SPON1: variants seen among roughly 807,000 people sequenced by gnomAD.
The protein encoded by SPON1 is spondin-1.
Under a neutral mutation model 111.7 loss-of-function variants are expected in SPON1, and 52 were observed. The ratio of observed to expected loss-of-function variants is 0.47; its 90% confidence interval spans 0.37 to 0.59. The LOEUF (loss-of-function observed/expected upper bound fraction) is 0.59, where lower values mean the gene tolerates loss of function less well. Ranked by LOEUF, SPON1 falls within the 20% of genes least tolerant of loss-of-function variation. The probability of loss-of-function intolerance (pLI) is 0.00; values close to 1 mark genes in which losing one functional copy is unlikely to be tolerated. For synonymous variants in SPON1, 410 were observed against 395.8 expected (o/e 1.04, Z -0.43); for missense variants, 957 against 1,068.5 (o/e 0.90, Z 1.46).
At chr11:14,175,265 A>T (rs2133884364) in intron 6 of SPON1, among the ~76,000 whole-genome samples, 2 of 152,348 alleles carry the variant, frequency 1.3e-5, no homozygotes, top group Admixed American at 1.3e-4. Flanking sequence ...AAAAATTTTT[A>T]GGACTAACTA....
chr11:14,042,216 G>C (rs1169897235), intron 3 of SPON1, among the ~76,000 whole-genome samples: 1 of 152,160 alleles, frequency 6.6e-6, no homozygotes, highest in Non-Finnish European at 1.5e-5. Flanking sequence ...CTGGAAGGTA[G>C]CATTATCTCA....
At chr11:14,001,442 CTACT>C (rs1195750390) in intron 2 of SPON1, among the ~76,000 whole-genome samples, 18 of 152,306 alleles carry the variant, frequency 1.2e-4, no homozygotes, top group African/African-American at 4.1e-4. Context: ...CTCAAGGAAA[CTACT>C]TTACCAGAGT....
chr11:14,156,722 G>C (rs540388125), intron 6 of SPON1, among the ~76,000 whole-genome samples: 123 of 152,148 alleles, frequency 8.1e-4, no homozygotes, highest in African/African-American at 2.4e-3. Context: ...TGGCTAGCCA[G>C]TTTTCCCAGC....
chr11:14,048,594 C>T lies in SPON1; in HGVS notation c.479+6940C>T, dbSNP rs535732664. Among the ~76,000 whole-genome samples, 10 of 152,316 alleles carry T rather than the reference C, an allele frequency of 6.6e-5. No homozygotes were observed. In the South Asian group the frequency reaches 2.1e-3, roughly 32 times the overall value. On this transcript the variant is annotated intron_variant, in intron 3 of 15. Transcript: ENST00000576479. ...TGAACATTTCTAAATTACAGACTTT[C>T]CAGGCAGCCCTCCTTATAGACTTCT... is the stretch of plus-strand genomic sequence containing the variant.
chr11:14,086,472 A>G (rs1185561117), intron 5 of SPON1, among the ~76,000 whole-genome samples: 1 of 152,242 alleles, frequency 6.6e-6, no homozygotes, highest in Admixed American at 6.5e-5. Flanking sequence ...ATGTTGAACC[A>G]GCCTTGCATC....
In SPON1 at chr11:14,259,680, A is replaced by G; in HGVS notation, c.1810A>G (p.Lys604Glu). The G allele has an allele frequency of 6.4e-7, 1 of 1,574,342 alleles. No individual in the cohort carries two copies. The highest frequency in any genetic ancestry group is 8.6e-7 in the Non-Finnish European group (1 of 1,160,068). The change falls in exon 13 of 16, where the codon AAG (lysine) becomes GAG (glutamate). Residue 604 changes from lysine (K) to glutamate (E), a missense_variant. Lys to Glu is a moderately conservative substitution (Grantham distance 56). Coordinates refer to ENST00000576479, the MANE Select transcript of SPON1 (RefSeq NM_006108.4). This position sits in a 1 kb window ranked among gnomAD's most constrained non-coding sequence, Gnocchi z 5.0. ...CAAAGCCGAGACATCACAGGCAGAG[A>G]AGTGCATGATGCCAGAGTGCCGTGA... ...MCKAETSQAE[K>E]CMMPECHTIP...
At chr11:14,058,060 G>A (rs929202294) in intron 3 of SPON1, among the ~76,000 whole-genome samples, 1 of 151,886 alleles carries the variant, frequency 6.6e-6, no homozygotes, top group Non-Finnish European at 1.5e-5. Flanking sequence ...GTGTTGGGGT[G>A]GAGAGGAAAA....
intron 5 of SPON1, among the ~76,000 whole-genome samples, chr11:14,132,441 CCTTTGGA>C (rs782739721): frequency 1.3e-5 from 2 of 152,158 alleles, no homozygotes; most frequent in Non-Finnish European, 2.9e-5. Context: ...TGCACTCGTG[CCTTTGGA>C]CTTTGATTCC....
chr11:14,258,353 A>C (rs539201063), intron 11 of SPON1, among the ~76,000 whole-genome samples: 12 of 152,290 alleles, frequency 7.9e-5, no homozygotes, highest in Non-Finnish European at 1.5e-4. Flanking sequence ...CTTTGGGCTG[A>C]TTGCAGAAAT....
intron 6 of SPON1, among the ~76,000 whole-genome samples, chr11:14,177,912 C>T (rs964821651): frequency 6.6e-6 from 1 of 152,156 alleles, no homozygotes. Context: ...ATTTCCCTGA[C>T]ACATGTAAGA....
chr11:14,009,485 C>T (rs1554913506), intron 2 of SPON1, among the ~76,000 whole-genome samples: 1 of 152,220 alleles, frequency 6.6e-6, no homozygotes, highest in African/African-American at 2.4e-5. Flanking sequence ...TCATATATAG[C>T]AAGTTGCTTC....
chr11:14,199,079 G>T (rs1848433286), intron 6 of SPON1, among the ~76,000 whole-genome samples: 1 of 152,082 alleles, frequency 6.6e-6, no homozygotes, highest in Non-Finnish European at 1.5e-5. Context: ...GAGTCCCTTT[G>T]GTACAGAGTT....
chr11:14,229,589 C>G (rs1335754872), intron 6 of SPON1, among the ~76,000 whole-genome samples: 1 of 152,176 alleles, frequency 6.6e-6, no homozygotes, highest in East Asian at 1.9e-4. Context: ...CCTCCATGCA[C>G]TGTGATTAAC....
chr11:14,086,051 A>G (rs1166513863), intron 5 of SPON1, among the ~76,000 whole-genome samples: 1 of 152,136 alleles, frequency 6.6e-6, no homozygotes, highest in East Asian at 1.9e-4. Context: ...TTAAGCTGAG[A>G]TGATGGGGTT....
intron 5 of SPON1, among the ~76,000 whole-genome samples, chr11:14,111,833 A>T (rs1554925473): frequency 6.6e-6 from 1 of 152,170 alleles, no homozygotes; most frequent in African/African-American, 2.4e-5. Context: ...AGCTATACTG[A>T]TTAGAGTAAC....
chr11:14,144,558 A>C (rs914827870), intron 6 of SPON1, among the ~76,000 whole-genome samples: 1 of 151,780 alleles, frequency 6.6e-6, no homozygotes. Context: ...TGAACCTGGG[A>C]GGCAGAGGTT....
rs541461023 is a variant in SPON1, at chr11:14,091,013, A to G, written c.676+10992A>G. ...TCCAAGGCCCCACCAGAGCAGCTAGACACAGCGTGTCGATTGGTGCACTCA... is the reference window on the plus strand; with the variant it reads ...TCCAAGGCCCCACCAGAGCAGCTAGGCACAGCGTGTCGATTGGTGCACTCA... On this transcript the variant is annotated intron_variant, in intron 5 of 15. Transcript: ENST00000576479. Among the ~76,000 whole-genome samples the G allele has an allele frequency of 3.9e-5, 6 of 152,098 alleles. No individual in the cohort carries two copies. The East Asian group carries it at 5.8e-4, about 15-fold the overall frequency.
At chr11:14,095,879 C>A (rs1554923845) in intron 5 of SPON1, among the ~76,000 whole-genome samples, 1 of 152,164 alleles carries the variant, frequency 6.6e-6, no homozygotes, top group Non-Finnish European at 1.5e-5. Context: ...ATACAATGAA[C>A]AATAATCCCA....
intron 5 of SPON1, among the ~76,000 whole-genome samples, chr11:14,126,872 G>A (rs531890179): frequency 5.3e-5 from 8 of 152,086 alleles, no homozygotes; most frequent in South Asian, 4.2e-4. Context: ...AAACTTTCTC[G>A]TGTCCCAGCT....
Sources: allele counts gnomAD v4.1 joint callset (sites outside exome capture counted in the v4.1 genomes callset), GRCh38; gene constraint gnomAD v4.1.1; non-coding constraint Gnocchi (gnomAD v3.1); transcripts MANE v1.5; gene names NCBI Gene and HGNC (gene_info 2026-07-23, HGNC 2026-07-21).